The following FBXO9 variants were observed in gnomAD, a reference collection of about 807,000 sequenced individuals.
The protein encoded by FBXO9 is F-box protein 9.
In FBXO9, 43 loss-of-function variants were observed where a neutral mutation model predicts 63.7. That is an observed-to-expected ratio of 0.67 (90% CI 0.53 to 0.87). The LOEUF (loss-of-function observed/expected upper bound fraction) is 0.87. Among genes scored for constraint, FBXO9 ranks in the 40% least tolerant of loss-of-function variants. The pLI is 0.00. For synonymous variants in FBXO9, 156 were observed against 171.7 expected (o/e 0.91, Z 0.72); for missense variants, 442 against 533.2 (o/e 0.83, Z 1.68).
Position 53,092,425 on chromosome 6 carries a change from C to G in FBXO9, c.654-4C>G, listed in dbSNP as rs374773307. Reference sequence around the variant, plus strand: ...TTTATTGACATTGTGCTTTTATTCCCTAGAGACCCTGAAATATGGCGTCTG... The same window carrying G: ...TTTATTGACATTGTGCTTTTATTCCGTAGAGACCCTGAAATATGGCGTCTG... On this transcript the variant is annotated splice_region_variant and splice_polypyrimidine_tract_variant and intron_variant, in intron 7 of 12. Coordinates refer to ENST00000323557, the MANE Select transcript of FBXO9 (RefSeq NM_033480.3). The G allele has an allele frequency of 6.2e-7, 1 of 1,608,622 alleles. No individual in the cohort carries two copies.
chr6:53,086,624 GA>G (rs1274814397), intron 7 of FBXO9, among the ~76,000 whole-genome samples: 9 of 152,192 alleles, frequency 5.9e-5, no homozygotes, highest in Non-Finnish European at 1.3e-4. Context: ...ATATAAACAA[GA>G]AAACTAGTAA....
intron 5 of FBXO9, among the ~76,000 whole-genome samples, chr6:53,080,030 C>G (rs1769253113): frequency 1.3e-5 from 2 of 149,864 alleles, no homozygotes; most frequent in African/African-American, 4.9e-5. Context: ...CAGCTCTTAG[C>G]CAGTTTTATA....
At chr6:53,068,821 T>C (rs1359446390) in intron 1 of FBXO9, among the ~76,000 whole-genome samples, 1 of 152,046 alleles carries the variant, frequency 6.6e-6, no homozygotes, top group African/African-American at 2.4e-5. Context: ...TGGTAATTTT[T>C]GTATTTTTTG....
intron 1 of FBXO9, chr6:53,070,855 G>C (rs998470685): frequency 1.3e-6 from 1 of 754,606 alleles, no homozygotes; most frequent in African/African-American, 1.7e-5. Context: ...TTGGAGTAGA[G>C]AATATGCTTT....
intron 1 of FBXO9, among the ~76,000 whole-genome samples, chr6:53,067,262 A>G (rs983388685): frequency 2.6e-5 from 4 of 152,220 alleles, no homozygotes; most frequent in African/African-American, 9.6e-5. Context: ...TAGACATGAC[A>G]GCTGAGGCCT....
intron 3 of FBXO9, among the ~76,000 whole-genome samples, chr6:53,075,288 G>T (rs1658343091): frequency 6.6e-6 from 1 of 151,092 alleles, no homozygotes; most frequent in South Asian, 2.1e-4. Context: ...GGCCCCGTCA[G>T]TAACGCTGGG....
At chr6:53,068,657 T>TG (rs1359988663) in intron 1 of FBXO9, among the ~76,000 whole-genome samples, 1 of 148,356 alleles carries the variant, frequency 6.7e-6, no homozygotes, top group African/African-American at 2.5e-5. Flanking sequence ...TATATGTGTT[T>TG]TTTTTTTTTT....
At position 53,097,877 on chromosome 6, in the gene FBXO9, T is replaced by C. The variant is rs1251143511; in HGVS notation, c.*47T>C. The C allele has an allele frequency of 8.8e-7, 1 of 1,132,026 alleles. No individual in the cohort carries two copies. The allele number at this position is 1,132,026 out of a possible 1,614,324, so 70.1% of individuals were successfully genotyped here. A position where few individuals can be genotyped will look rare whatever the true frequency, so the allele number is the denominator to read the frequency against. ...TCACTTTTGCATGAATTAAAGTATATAGCGCAAAAGAGCACCTAAGTTATA... is the reference window on the plus strand; with the variant it reads ...TCACTTTTGCATGAATTAAAGTATACAGCGCAAAAGAGCACCTAAGTTATA... On this transcript the variant is annotated 3_prime_UTR_variant, in exon 13 of 13. Transcript: ENST00000323557.
Position 53,092,723 on chromosome 6 carries a change from T to C in FBXO9, c.773-11T>C, listed in dbSNP as rs1763078646. 6.3e-7 allele frequency: 1 copy of C among 1,585,286 alleles called. No homozygotes were observed. On this transcript the variant is annotated splice_polypyrimidine_tract_variant and intron_variant, in intron 8 of 12. Coordinates refer to ENST00000323557, the MANE Select transcript of FBXO9 (RefSeq NM_033480.3). Reference sequence around the variant, plus strand: ...ATTATAATTTTTAACTTTTTAAAATTATTTTCATAGGCGTGTATATCAGTA... The same window carrying C: ...ATTATAATTTTTAACTTTTTAAAATCATTTTCATAGGCGTGTATATCAGTA...
intron 1 of FBXO9, chr6:53,066,010 C>T (rs1038113837): frequency 6.6e-6 from 8 of 1,213,772 alleles, no homozygotes; most frequent in Admixed American, 4.2e-5. Context: ...GCTGAGCCTC[C>T]CCAACCCCCG....
In FBXO9 at chr6:53,100,354, A is replaced by G. The variant is rs1470370907; in HGVS notation, c.*2524A>G. The G allele has an allele frequency of 6.6e-6, 1 of 152,224 alleles. No individual in the cohort carries two copies. Among genetic ancestry groups the G allele is most frequent in the Non-Finnish European group, 1.5e-5 (1 of 68,038 alleles). The allele number at this position is 152,224 out of a possible 1,614,324, so 9.4% of individuals were successfully genotyped here. On this transcript the variant is annotated 3_prime_UTR_variant, in exon 13 of 13. Coordinates refer to ENST00000323557, the MANE Select transcript of FBXO9 (RefSeq NM_033480.3). The stretch of plus-strand genomic sequence containing the variant: ...AAAAGCTGACAGCAGTATCTGGATT[A>G]ACTTTTTAAAAACAATGAAAGCATT...
chr6:53,097,708 CT>C lies in FBXO9; in HGVS notation c.1206-5del, dbSNP rs200918671. 7.6e-4 allele frequency: 1,092 copies of C among 1,443,690 alleles called. No individual in the cohort carries two copies. Among genetic ancestry groups the C allele is most frequent in the South Asian group, 1.5e-3 (122 of 80,698 alleles). The allele number at this position is 1,443,690 out of a possible 1,614,324, so 89.4% of individuals were successfully genotyped here. The stretch of plus-strand genomic sequence containing the variant: ...ATTTCCTCATACTAGTAATTTTGTG[CT>C]TTTTTTTTACAGATCAACTGGTGAG... On this transcript the variant is annotated splice_polypyrimidine_tract_variant and intron_variant, in intron 12 of 12. Transcript: ENST00000323557.
At chr6:53,093,147 G>A (rs1763095163) in intron 9 of FBXO9, 1 of 392,750 alleles carries the variant, frequency 2.5e-6, no homozygotes, top group Non-Finnish European at 4.5e-6. Flanking sequence ...TAACCGTTGT[G>A]TGTGGCTCTC....
chr6:53,071,023 T>C, intron 1 of FBXO9, 34 bp from the exon 2 acceptor site: 1 of 1,556,292 alleles, frequency 6.4e-7, no homozygotes, highest in South Asian at 1.2e-5. Flanking sequence ...GGTGTGTTTA[T>C]ATGCCTGACA....
At chr6:53,088,260 TGAATG>T (rs1762950151) in intron 7 of FBXO9, among the ~76,000 whole-genome samples, 1 of 152,166 alleles carries the variant, frequency 6.6e-6, no homozygotes, top group Admixed American at 6.5e-5. Context: ...TATCTCAACA[TGAATG>T]GAAAAGTCAG....
chr6:53,081,112 T>C lies in FBXO9; in HGVS notation c.538+14T>C, dbSNP rs977377175. 3.1e-6 allele frequency: 5 copies of C among 1,598,402 alleles called. No individual in the cohort carries two copies. The highest frequency in any genetic ancestry group is 4.3e-6 in the Non-Finnish European group (5 of 1,176,306). ...TTCACATATCAGGTGTGAATACTTG[T>C]TTTTCATAACTCAGTGAGAAATATC... is the stretch of plus-strand genomic sequence containing the variant. On this transcript the variant is annotated intron_variant, in intron 6 of 12. Transcript: ENST00000323557.
chr6:53,098,241 C>T lies in FBXO9; in HGVS notation c.*411C>T, dbSNP rs1309831139. Reference sequence around the variant, plus strand: ...TTCAATGCATCAGGGGAGCGCTCCACTGGATAAGCATTTTATTTCCCGCAT... The same window carrying T: ...TTCAATGCATCAGGGGAGCGCTCCATTGGATAAGCATTTTATTTCCCGCAT... On this transcript the variant is annotated 3_prime_UTR_variant, in exon 13 of 13. Coordinates refer to ENST00000323557, the MANE Select transcript of FBXO9 (RefSeq NM_033480.3). The T allele has an allele frequency of 3.4e-6, 1 of 290,236 alleles. No homozygotes were observed. The highest frequency in any genetic ancestry group is 1.2e-4 in the East Asian group (1 of 8,490). The allele number at this position is 290,236 out of a possible 1,614,324, so 18.0% of individuals were successfully genotyped here. A position where few individuals can be genotyped will look rare whatever the true frequency, so the allele number is the denominator to read the frequency against.
intron 3 of FBXO9, 31 bp downstream of exon 3, chr6:53,073,670 A>ATTT: frequency 9.2e-7 from 1 of 1,082,812 alleles, no homozygotes; most frequent in Non-Finnish European, 1.2e-6. Flanking sequence ...AACAAATTAC[A>ATTT]TTTTTTTTTT....
At chr6:53,066,082 C>T in intron 1 of FBXO9, 1 of 1,206,910 alleles carries the variant, frequency 8.3e-7, no homozygotes, top group Non-Finnish European at 1.0e-6. Context: ...CTTCTCGGCT[C>T]ACTGAGTATA....
Sources: allele counts gnomAD v4.1 joint callset (sites outside exome capture counted in the v4.1 genomes callset), GRCh38; gene constraint gnomAD v4.1.1; transcripts MANE v1.5; gene names NCBI Gene and HGNC (gene_info 2026-07-23, HGNC 2026-07-21).